AKT3: variants seen among roughly 807,000 people sequenced by gnomAD.
AKT3 encodes AKT serine/threonine kinase 3, also known as RAC-gamma serine/threonine-protein kinase.
A neutral mutation model predicts 65.3 loss-of-function variants in AKT3; 15 were observed. The observed-to-expected ratio is 0.23, with a 90% confidence interval of 0.15 to 0.35. The LOEUF (loss-of-function observed/expected upper bound fraction) is 0.35. Among genes scored for constraint, AKT3 ranks in the 10% least tolerant of loss-of-function variants. The probability of loss-of-function intolerance (pLI) is 1.00; values close to 1 mark genes in which losing one functional copy is unlikely to be tolerated. For synonymous variants in AKT3, 206 were observed against 183.8 expected (o/e 1.12, Z -0.98); for missense variants, 243 against 576.5 (o/e 0.42, Z 5.92).
chr1:243,506,833 A>C (rs1351903014), intron 13 of AKT3, among the ~76,000 whole-genome samples: 2 of 152,178 alleles, frequency 1.3e-5, no homozygotes, highest in South Asian at 2.1e-4. Flanking sequence ...CCTCCTTATA[A>C]AGTTATTGGT....
At chr1:243,832,747 G>A (rs1694619291) in intron 2 of AKT3, among the ~76,000 whole-genome samples, 1 of 152,104 alleles carries the variant, frequency 6.6e-6, no homozygotes, top group South Asian at 2.1e-4. Flanking sequence ...CAAAATAGCT[G>A]GAAAGTGAGA....
At chr1:243,640,086 A>C (rs575891260) in intron 5 of AKT3, among the ~76,000 whole-genome samples, 16 of 152,330 alleles carry the variant, frequency 1.1e-4, no homozygotes, top group Admixed American at 9.1e-4. Context: ...GTCAAATTAA[A>C]GTGTCTTACA....
intron 8 of AKT3, among the ~76,000 whole-genome samples, chr1:243,599,753 C>T (rs1558644166): frequency 6.6e-6 from 1 of 152,106 alleles, no homozygotes; most frequent in Non-Finnish European, 1.5e-5. Flanking sequence ...ATGAATGCTT[C>T]TGCCCTAAAA....
In AKT3 at chr1:243,505,151, G is replaced by A. The variant is rs1669584452; in HGVS notation, c.*98C>T. ...CTTGGCTGGTCTGGGATGTCGGAAG[G>A]TGCCCCTGCTATGTGTAAGAGCTAG... On this transcript the variant is annotated 3_prime_UTR_variant, in exon 14 of 14. Transcript: ENST00000673466. The A allele has an allele frequency of 8.9e-6, 10 of 1,124,538 alleles. No homozygotes were observed. The East Asian group carries it at 2.2e-4, about 25-fold the overall frequency. 69.7% of individuals were successfully genotyped at this position (1,124,538 alleles called of 1,614,324 possible). A position where few individuals can be genotyped will look rare whatever the true frequency, so the allele number is the denominator to read the frequency against.
At chr1:243,652,691 A>G (rs1450701486) in intron 4 of AKT3, among the ~76,000 whole-genome samples, 4 of 147,932 alleles carry the variant, frequency 2.7e-5, no homozygotes, top group Non-Finnish European at 6.0e-5. Context: ...TGCTGTATTC[A>G]GGAGATCCAT....
At chr1:243,781,888 T>G (rs1365513450) in intron 2 of AKT3, among the ~76,000 whole-genome samples, 1 of 152,166 alleles carries the variant, frequency 6.6e-6, no homozygotes, top group Non-Finnish European at 1.5e-5. Flanking sequence ...AGTGGCACAA[T>G]CACAGCTCAC....
At chr1:243,629,770 C>A (rs574631548) in intron 6 of AKT3, among the ~76,000 whole-genome samples, 2 of 152,140 alleles carry the variant, frequency 1.3e-5, no homozygotes, top group South Asian at 2.1e-4. Context: ...CCAGCCTGGG[C>A]GACTGAGTGA....
intron 4 of AKT3, among the ~76,000 whole-genome samples, chr1:243,649,067 A>C (rs1394610797): frequency 6.6e-6 from 1 of 151,788 alleles, no homozygotes; most frequent in Non-Finnish European, 1.5e-5. Context: ...ATTTAGCTAC[A>C]CCCCACAAAT....
At chr1:243,567,408 A>C (rs1674235874) in intron 9 of AKT3, among the ~76,000 whole-genome samples, 1 of 151,696 alleles carries the variant, frequency 6.6e-6, no homozygotes, top group Non-Finnish European at 1.5e-5. Flanking sequence ...CCCAGGCTCA[A>C]CTGATCCTCC....
intron 9 of AKT3, among the ~76,000 whole-genome samples, chr1:243,566,091 C>G (rs1242953740): frequency 3.9e-5 from 6 of 152,130 alleles, no homozygotes; most frequent in Non-Finnish European, 8.8e-5. Context: ...ACATGACAGA[C>G]AGGATGCACT....
At chr1:243,700,680 T>A (rs1346462209) in intron 2 of AKT3, among the ~76,000 whole-genome samples, 3 of 152,046 alleles carry the variant, frequency 2.0e-5, no homozygotes, top group Non-Finnish European at 4.4e-5. Context: ...TTTTTTGTAT[T>A]TTTAGTAGAG....
intron 2 of AKT3, among the ~76,000 whole-genome samples, chr1:243,838,491 C>CA (rs976914326): frequency 8.8e-5 from 13 of 148,052 alleles, no homozygotes; most frequent in Admixed American, 2.0e-4. Flanking sequence ...AAAAAATGAA[C>CA]AAAAAAAAAC....
At chr1:243,714,423 T>C (rs1011804489) in intron 2 of AKT3, among the ~76,000 whole-genome samples, 14 of 152,206 alleles carry the variant, frequency 9.2e-5, no homozygotes, top group African/African-American at 3.1e-4. Context: ...AGGCACAGTG[T>C]ATTTTGAAAA....
intron 2 of AKT3, among the ~76,000 whole-genome samples, chr1:243,791,805 T>C (rs1014010211): frequency 1.3e-5 from 2 of 152,216 alleles, no homozygotes; most frequent in Non-Finnish European, 2.9e-5. Context: ...CTTCATTCAG[T>C]AGCTCTGGAC....
intron 2 of AKT3, among the ~76,000 whole-genome samples, chr1:243,780,325 T>A (rs1690825875): frequency 6.6e-6 from 1 of 152,060 alleles, no homozygotes; most frequent in Admixed American, 6.5e-5. Flanking sequence ...AACATATGAT[T>A]CAAGATTATT....
At chr1:243,553,071 C>G (rs1368215157) in intron 10 of AKT3, 128 bp from the exon 11 acceptor site, 2 of 664,048 alleles carry the variant, frequency 3.0e-6, no homozygotes, top group African/African-American at 3.7e-5. Context: ...GAGATCTTGA[C>G]ATTTAAACTG....
intron 12 of AKT3, among the ~76,000 whole-genome samples, chr1:243,540,434 TC>T (rs1672228271): frequency 6.6e-6 from 1 of 152,162 alleles, no homozygotes; most frequent in African/African-American, 2.4e-5. Context: ...GACTAGAACT[TC>T]CTCAATCTGA....
At chr1:243,745,195 C>T (rs1407550259) in intron 2 of AKT3, among the ~76,000 whole-genome samples, 3 of 151,626 alleles carry the variant, frequency 2.0e-5, no homozygotes, top group African/African-American at 7.3e-5. Flanking sequence ...AAAATTAGCC[C>T]GGCGTGGTGG....
At chr1:243,748,824 T>C (rs1484430245) in intron 2 of AKT3, among the ~76,000 whole-genome samples, 1 of 152,138 alleles carries the variant, frequency 6.6e-6, no homozygotes, top group Non-Finnish European at 1.5e-5. Context: ...GGTCTGACTT[T>C]CAAAGCCCCA....
Sources: allele counts gnomAD v4.1 joint callset (sites outside exome capture counted in the v4.1 genomes callset), GRCh38; gene constraint gnomAD v4.1.1; transcripts MANE v1.5; gene names NCBI Gene and HGNC (gene_info 2026-07-23, HGNC 2026-07-21).